The following ARHGAP25 variants were observed in gnomAD, a reference collection of about 807,000 sequenced individuals.
ARHGAP25 encodes Rho GTPase activating protein 25.
ARHGAP25 carries 34 observed loss-of-function variants against 71.0 expected under a neutral mutation model. The ratio of observed to expected loss-of-function variants is 0.48; its 90% CI spans 0.36 to 0.64. The LOEUF is 0.64. Among genes scored for constraint, ARHGAP25 ranks in the 30% least tolerant of loss-of-function variants. The pLI is 0.00. For synonymous variants in ARHGAP25, 282 were observed against 296.5 expected (o/e 0.95, Z 0.50); for missense variants, 706 against 805.1 (o/e 0.88, Z 1.49).
chr2:68,773,944 G>A lies in ARHGAP25; in HGVS notation c.62-1277G>A, dbSNP rs549720646. ...AAGTATTATTATCCTAATTTAGCAA[G>A]TGAGGAAGCCGAGGCTCAGAGAAGC... is the stretch of plus-strand genomic sequence containing the variant. On this transcript the variant is annotated intron_variant, in intron 1 of 10. Coordinates refer to ENST00000409202, the MANE Select transcript of ARHGAP25 (RefSeq NM_001007231.3). 3.9e-5 allele frequency among the ~76,000 whole-genome samples: 6 copies of A among 152,314 alleles called. No individual in the cohort carries two copies. The East Asian group carries it at 9.6e-4, about 24-fold the overall frequency.
chr2:68,825,972 TTTCC>T lies in ARHGAP25; in HGVS notation c.1734-8_1734-5del, dbSNP rs1682096668. 3 of 1,600,126 alleles carry T rather than the reference TTTCC, an allele frequency of 1.9e-6. No individual in the cohort carries two copies. The highest frequency in any genetic ancestry group is 1.3e-5 in the African/African-American group (1 of 74,098). On this transcript the variant is annotated splice_polypyrimidine_tract_variant and intron_variant, in intron 10 of 10. Transcript: ENST00000409202. ...AATGCCACATTCTTTCATTCTTTTC[TTTCC>T]TTCCTTGTAGCCTTGAGAAGGAAAA...
At chr2:68,765,591 C>T (rs752619031) in intron 1 of ARHGAP25, among the ~76,000 whole-genome samples, 2 of 152,272 alleles carry the variant, frequency 1.3e-5, no homozygotes, top group Middle Eastern at 3.4e-3. Flanking sequence ...AAATCCCAGA[C>T]ACATTTTCCC....
chr2:68,739,995 A>G (rs1371905951), intron 1 of ARHGAP25, among the ~76,000 whole-genome samples: 1 of 152,178 alleles, frequency 6.6e-6, no homozygotes, highest in Non-Finnish European at 1.5e-5. Context: ...CCTCATTTCT[A>G]GTAAGACAGG....
chr2:68,733,631 A>AGCTT (rs1675084858), upstream of ARHGAP25, among the ~76,000 whole-genome samples: 3 of 152,222 alleles, frequency 2.0e-5, no homozygotes, highest in South Asian at 6.2e-4. Flanking sequence ...TCAGGGATAC[A>AGCTT]GCTTGCATGC....
intron 1 of ARHGAP25, among the ~76,000 whole-genome samples, chr2:68,755,377 G>A (rs1676414403): frequency 6.6e-6 from 1 of 152,042 alleles, no homozygotes; most frequent in Non-Finnish European, 1.5e-5. Flanking sequence ...AAAAGTGCTG[G>A]AAGATTGTAA....
At chr2:68,821,133 A>G (rs1214248118) in intron 9 of ARHGAP25, among the ~76,000 whole-genome samples, 3 of 50,094 alleles carry the variant, frequency 6.0e-5, no homozygotes, top group Non-Finnish European at 1.1e-4. Flanking sequence ...GTCTCACTTT[A>G]TTGCTTAAGC....
intron 5 of ARHGAP25, among the ~76,000 whole-genome samples, chr2:68,808,392 G>C (rs953370141): frequency 3.9e-5 from 6 of 152,196 alleles, no homozygotes; most frequent in African/African-American, 1.2e-4. Flanking sequence ...GTGTCATCTT[G>C]TGTAGAAGCT....
At chr2:68,791,247 C>T (rs1254172387) in intron 4 of ARHGAP25, among the ~76,000 whole-genome samples, 1 of 152,226 alleles carries the variant, frequency 6.6e-6, no homozygotes, top group South Asian at 2.1e-4. Flanking sequence ...AGACTCCCCT[C>T]ACTGGAATGA....
At chr2:68,754,572 C>T (rs1428388941) in intron 1 of ARHGAP25, among the ~76,000 whole-genome samples, 3 of 152,118 alleles carry the variant, frequency 2.0e-5, no homozygotes, top group South Asian at 2.1e-4. Flanking sequence ...GTGAGCATAA[C>T]GTTTTATCTC....
chr2:68,810,809 T>TAGAG (rs1218644500), intron 5 of ARHGAP25, among the ~76,000 whole-genome samples: 3 of 151,140 alleles, frequency 2.0e-5, no homozygotes, highest in Non-Finnish European at 2.9e-5. Context: ...TGGTGTGATC[T>TAGAG]TGGCTCACTG....
intron 2 of ARHGAP25, 76 bp from the exon 3 acceptor site, chr2:68,782,157 C>T (rs1678385155): frequency 6.2e-6 from 8 of 1,285,464 alleles, no homozygotes; most frequent in South Asian, 1.2e-5. Context: ...CATCATTATC[C>T]TATCTGTTGT....
At chr2:68,792,993 G>T (rs1246638199) in intron 4 of ARHGAP25, among the ~76,000 whole-genome samples, 1 of 152,118 alleles carries the variant, frequency 6.6e-6, no homozygotes, top group Non-Finnish European at 1.5e-5. Context: ...CGATCTCATT[G>T]TGGTTTTTAT....
intron 9 of ARHGAP25, among the ~76,000 whole-genome samples, chr2:68,821,533 G>A (rs1681664752): frequency 6.6e-6 from 1 of 152,164 alleles, no homozygotes; most frequent in Non-Finnish European, 1.5e-5. Context: ...AGATTTGATT[G>A]TATGATTTTG....
At chr2:68,728,093 A>G (rs1674926330) in intron 2 of ARHGAP25, among the ~76,000 whole-genome samples, 1 of 152,240 alleles carries the variant, frequency 6.6e-6, no homozygotes, top group Admixed American at 6.5e-5. Context: ...GTCAAAGTTG[A>G]AGGCTTGAGT....
intron 4 of ARHGAP25, among the ~76,000 whole-genome samples, chr2:68,802,106 A>G (rs1270563414): frequency 6.6e-6 from 1 of 152,172 alleles, no homozygotes; most frequent in African/African-American, 2.4e-5. Context: ...TGTTTAAAGC[A>G]TATTTGGAAT....
intron 1 of ARHGAP25, chr2:68,774,726 C>T: frequency 2.0e-6 from 2 of 1,007,386 alleles, no homozygotes; most frequent in South Asian, 4.0e-5. Flanking sequence ...GTCTTGCGGC[C>T]CCTCCTCTAG....
Position 68,822,771 on chromosome 2 carries a change from G to T in ARHGAP25, c.1632G>T (p.Lys544Asn), listed in dbSNP as rs1681801247. 3 of 1,614,210 alleles carry T rather than the reference G, an allele frequency of 1.9e-6. No homozygotes were observed. Among genetic ancestry groups the T allele is most frequent in the Non-Finnish European group, 2.5e-6 (3 of 1,180,042 alleles). Residue 544 changes from lysine (K) to asparagine (N), a missense_variant, in exon 10 of 11, where the codon AAG (lysine) becomes AAT (asparagine). Physicochemically the swap from Lys to Asn is moderately conservative, Grantham distance 94. Coordinates refer to ENST00000409202, the MANE Select transcript of ARHGAP25 (RefSeq NM_001007231.3). ...ACTCTGAAACTGGGCCTGGAAAAAA[G>T]AACTCTGGAGAAGAGGAAATTGATT... ...SPNSETGPGKKNSGEEEIDSL... is the reference protein window; with the variant it reads ...SPNSETGPGKNNSGEEEIDSL...
chr2:68,797,149 G>T (rs1046045013), intron 4 of ARHGAP25, among the ~76,000 whole-genome samples: 1 of 152,188 alleles, frequency 6.6e-6, no homozygotes, highest in African/African-American at 2.4e-5. Context: ...GGCAAAGTTG[G>T]GCAGAGCTGG....
chr2:68,742,383 A>C (rs1285790766), intron 1 of ARHGAP25, among the ~76,000 whole-genome samples: 1 of 152,262 alleles, frequency 6.6e-6, no homozygotes, highest in African/African-American at 2.4e-5. Flanking sequence ...GGAATGAGCC[A>C]GCTATCATAC....
Sources: gnomAD v4.1 joint callset for allele counts (sites outside exome capture counted in the v4.1 genomes callset) on GRCh38, gnomAD v4.1.1 for gene constraint, MANE v1.5 for transcripts, NCBI Gene and HGNC (gene_info 2026-07-23, HGNC 2026-07-21) for gene names.